E4F1: variants seen among roughly 807,000 people sequenced by gnomAD.
E4F1 encodes transcription factor E4F1.
E4F1 carries 30 observed loss-of-function variants against 72.9 expected under a neutral mutation model. The observed-to-expected ratio is 0.41, with a 90% CI of 0.31 to 0.56. The LOEUF (loss-of-function observed/expected upper bound fraction) is 0.56. Among genes scored for constraint, E4F1 ranks in the 20% least tolerant of loss-of-function variants. The probability of loss-of-function intolerance (pLI) is 0.25; values close to 1 mark genes in which losing one functional copy is unlikely to be tolerated. For missense variants in E4F1, 1,091 were observed against 1,117.5 expected (o/e 0.98, Z 0.34); for synonymous variants, 542 against 478.2 (o/e 1.13, Z -1.74).
Position 2,229,556 on chromosome 16 carries a change from TC to T in E4F1, c.310-9del. 1.9e-6 allele frequency: 3 copies of T among 1,607,002 alleles called. No individual in the cohort carries two copies. The highest frequency in any genetic ancestry group is 4.5e-5 in the East Asian group (2 of 44,812). Reference sequence around the variant, plus strand: ...CATACAGACGACTCCCCTGTTTTCTTCCCCCTTTGGCAGGTGGTGCCGGCAG... The same window carrying T: ...CATACAGACGACTCCCCTGTTTTCTTCCCCTTTGGCAGGTGGTGCCGGCAG... On this transcript the variant is annotated splice_polypyrimidine_tract_variant and intron_variant, in intron 2 of 13. Coordinates refer to ENST00000301727, the MANE Select transcript of E4F1 (RefSeq NM_004424.5).
rs1356616262 is a variant in E4F1, at chr16:2,229,577, C to T, written c.317C>T (p.Pro106Leu). The stretch of plus-strand genomic sequence containing the variant: ...TTCTTCCCCCTTTGGCAGGTGGTGC[C>T]GGCAGCACCAGGCCCAGAGGAGCCC... Reference protein sequence around the residue: ...TTALLGQEVVPAAPGPEEPIT... With the variant: ...TTALLGQEVVLAAPGPEEPIT... The change falls in exon 3 of 14, where the codon CCG becomes CTG. Residue 106 changes from proline (P) to leucine (L), a missense_variant. Coordinates refer to ENST00000301727, the MANE Select transcript of E4F1 (RefSeq NM_004424.5). 10 of 1,610,706 alleles carry T rather than the reference C, an allele frequency of 6.2e-6. No homozygotes were observed. Among genetic ancestry groups the T allele is most frequent in the Admixed American group, 3.3e-5 (2 of 59,990 alleles).
intron 1 of E4F1, among the ~76,000 whole-genome samples, chr16:2,227,265 A>G (rs2093437468): frequency 6.6e-6 from 1 of 152,118 alleles, no homozygotes; most frequent in Non-Finnish European, 1.5e-5. Flanking sequence ...GCTGGAGTGC[A>G]ATGGGGAGAT....
At chr16:2,231,777 T>G in intron 3 of E4F1, 2 of 193,656 alleles carry the variant, frequency 1.0e-5, no homozygotes, top group Non-Finnish European at 2.2e-5. Flanking sequence ...ATCCTCCCTA[T>G]GTTGGTGGGA....
At chr16:2,225,767 C>G (rs1612140) in intron 1 of E4F1, among the ~76,000 whole-genome samples, 1 of 143,874 alleles carries the variant, frequency 7.0e-6, no homozygotes, top group Non-Finnish European at 1.5e-5. Flanking sequence ...CCACCGTGCC[C>G]GGCTCCTCCC....
At chr16:2,224,031 C>T in intron 1 of E4F1, 1 of 1,355,886 alleles carries the variant, frequency 7.4e-7, no homozygotes, top group Non-Finnish European at 9.7e-7. Flanking sequence ...CCCCGGGCGC[C>T]CGGTGTAGAC....
Position 2,234,742 on chromosome 16 carries a change from G to GC in E4F1, c.1755dup (p.Glu586ArgfsTer26). 1 of 1,551,966 alleles carries GC rather than the reference G, an allele frequency of 6.4e-7. No homozygotes were observed. The highest frequency in any genetic ancestry group is 8.7e-7 in the Non-Finnish European group (1 of 1,148,448). On this transcript the variant is annotated frameshift_variant, in exon 11 of 14. Transcript: ENST00000301727. LOFTEE classifies it high-confidence loss of function. ...GTGCTACAAGTGCGGCCGTGGCTTC[G>GC]CCGAGCACGGCACGCTGAACCGGCA...
At chr16:2,224,655 G>A (rs956784633) in intron 1 of E4F1, among the ~76,000 whole-genome samples, 3 of 152,054 alleles carry the variant, frequency 2.0e-5, no homozygotes, top group African/African-American at 2.4e-5. Context: ...TTAGCCGGGC[G>A]TGGTGGCGGG....
At chr16:2,233,728 A>G (rs910723793) in intron 8 of E4F1, 81 bp downstream of exon 8, 1 of 1,472,770 alleles carries the variant, frequency 6.8e-7, no homozygotes, top group Non-Finnish European at 9.1e-7. Flanking sequence ...GCCTCCCTGA[A>G]GTGGCTTTCT....
chr16:2,229,369 G>A (rs2241071), intron 2 of E4F1, among the ~76,000 whole-genome samples: 34,261 of 152,214 alleles, frequency 0.23, 4,835 homozygotes, highest in East Asian at 0.37. Flanking sequence ...TGGCCCGGGG[G>A]TGAAGGGATT....
At chr16:2,231,505 C>T (rs1178643371) in intron 3 of E4F1, 1 of 152,436 alleles carries the variant, frequency 6.6e-6, no homozygotes, top group Non-Finnish European at 1.5e-5. Context: ...AGTGGCTTCA[C>T]AGCTGTTTCC....
chr16:2,233,473 G>C lies in E4F1; in HGVS notation c.1092G>C (p.Glu364Asp). The C allele has an allele frequency of 6.6e-7, 1 of 1,506,132 alleles. No homozygotes were observed. The highest frequency in any genetic ancestry group is 8.8e-7 in the Non-Finnish European group (1 of 1,131,140). The allele number at this position is 1,506,132 out of a possible 1,614,324, so 93.3% of individuals were successfully genotyped here. ...PVSQELPCSS[E>D]GSRENLLHQA... ...CCCAGGAGCTCCCCTGCTCCAGCGAGGGCAGCCGTGAGAACCTGCTGCACC... is the reference window on the plus strand; with the variant it reads ...CCCAGGAGCTCCCCTGCTCCAGCGACGGCAGCCGTGAGAACCTGCTGCACC... The change falls in exon 8 of 14, where the codon GAG (glutamate) becomes GAC (aspartate). Residue 364 changes from glutamate to aspartate, a missense_variant. Glu to Asp is a conservative substitution (Grantham distance 45, BLOSUM62 2). Transcript: ENST00000301727.
Position 2,234,294 on chromosome 16 carries a change from A to G in E4F1, c.1499A>G (p.Tyr500Cys). The change falls in exon 10 of 14, where the codon TAC becomes TGC. Residue 500 changes from tyrosine (Y) to cysteine (C), a missense_variant. Physicochemically the swap from Tyr to Cys is radical, Grantham distance 194. This residue lies in a region of E4F1 where 622 missense variants were observed against 628.0 expected (regional missense o/e 0.99). Coordinates refer to ENST00000301727, the MANE Select transcript of E4F1 (RefSeq NM_004424.5). ...RFRCGDCGKLYKTIAHVRGHR... is the reference protein window; with the variant it reads ...RFRCGDCGKLCKTIAHVRGHR... ...CGCTGTGGCGACTGCGGGAAGCTCT[A>G]CAAGACCATTGCCCATGTGCGTGGC... The G allele has an allele frequency of 1.2e-6, 2 of 1,612,974 alleles. No homozygotes were observed. Among genetic ancestry groups the G allele is most frequent in the Non-Finnish European group, 1.7e-6 (2 of 1,179,982 alleles).
Position 2,228,485 on chromosome 16 carries a change from C to T in E4F1, c.271C>T (p.Pro91Ser), listed in dbSNP as rs1423603899. ...CCAGCGGGCCCCTCCGGAGGCCCTG[C>T]CTGCCACCCCTGCCACCACAGCGTT... Reference protein sequence around the residue: ...ACQRAPPEALPATPATTALLG... With the variant: ...ACQRAPPEALSATPATTALLG... The change falls in exon 2 of 14, where the codon CCT becomes TCT. Residue 91 changes from proline to serine, a missense_variant. Physicochemically the swap from Pro to Ser is moderately conservative, Grantham distance 74. Transcript: ENST00000301727. The T allele has an allele frequency of 1.9e-6, 3 of 1,612,568 alleles. No individual in the cohort carries two copies. The South Asian group carries it at 3.3e-5, about 18-fold the overall frequency.
chr16:2,232,310 G>A lies in E4F1; in HGVS notation c.555G>A (p.Leu185=). Reference sequence around the variant, plus strand: ...GTGAGCAGGCCCAGGTGAAGCTACTGGTGAACAAGGATGGCCGCTATGTGT... The same window carrying A: ...GTGAGCAGGCCCAGGTGAAGCTACTAGTGAACAAGGATGGCCGCTATGTGT... ...GEGEQAQVKL[L]VNKDGRYVCA... is the part of the protein sequence containing the mutation. The change falls in exon 4 of 14, where the codon CTG becomes CTA. Residue 185 remains leucine, a synonymous_variant. Coordinates refer to ENST00000301727, the MANE Select transcript of E4F1 (RefSeq NM_004424.5). The A allele has an allele frequency of 6.2e-7, 1 of 1,610,798 alleles. No individual in the cohort carries two copies. The highest frequency in any genetic ancestry group is 1.1e-5 in the South Asian group (1 of 90,784).
chr16:2,226,302 G>T (rs911662146), intron 1 of E4F1, among the ~76,000 whole-genome samples: 1 of 152,180 alleles, frequency 6.6e-6, no homozygotes. Flanking sequence ...GCCTTGTCTG[G>T]TGTGAAATGG....
intron 1 of E4F1, 112 bp from the exon 2 acceptor site, chr16:2,228,260 T>G: frequency 7.0e-7 from 1 of 1,429,350 alleles, no homozygotes; most frequent in East Asian, 2.5e-5. Context: ...GTAGCTCTGC[T>G]TCTGATGGCC....
intron 10 of E4F1, 72 bp downstream of exon 10, chr16:2,234,460 C>A: frequency 6.3e-7 from 1 of 1,584,858 alleles, no homozygotes; most frequent in Non-Finnish European, 8.6e-7. Context: ...CCAGGTGCAC[C>A]CCCTTCCCTG....
At chr16:2,229,389 C>T (rs562834928) in intron 2 of E4F1, among the ~76,000 whole-genome samples, 181 bp from the exon 3 acceptor site, 6 of 152,306 alleles carry the variant, frequency 3.9e-5, no homozygotes, top group Non-Finnish European at 7.4e-5. Flanking sequence ...TGGACTGGGA[C>T]CGGTGGTCGT....
chr16:2,233,327 G>A (rs59845216), intron 7 of E4F1, 111 bp from the exon 8 acceptor site: 74 of 1,422,852 alleles, frequency 5.2e-5, no homozygotes, highest in East Asian at 4.1e-4. Context: ...CAGTGGGAGC[G>A]CCATGGGGGT....
Sources: gnomAD v4.1 joint callset for allele counts (sites outside exome capture counted in the v4.1 genomes callset) on GRCh38, gnomAD v4.1.1 for gene constraint, gnomAD v4.1.1 regional missense constraint, MANE v1.5 for transcripts, NCBI Gene and HGNC (gene_info 2026-07-23, HGNC 2026-07-21) for gene names.